The following SOX5 variants were observed in gnomAD, a reference collection of about 807,000 sequenced individuals.
SOX5 encodes transcription factor SOX-5.
Under a neutral mutation model 92.0 loss-of-function variants are expected in SOX5, and 9 were observed. That is an observed-to-expected ratio of 0.10 (90% CI 0.06 to 0.17). The LOEUF is 0.17. Among genes scored for constraint, SOX5 ranks in the 10% least tolerant of loss-of-function variants. The pLI, the probability that SOX5 is intolerant of heterozygous loss-of-function variation, is 1.00. For missense variants in SOX5, 642 were observed against 944.5 expected (o/e 0.68, Z 4.20); for synonymous variants, 344 against 336.3 (o/e 1.02, Z -0.25).
At chr12:23,774,733 T>C (rs1233767978) in intron 3 of SOX5, among the ~76,000 whole-genome samples, 6 of 152,166 alleles carry the variant, frequency 3.9e-5, no homozygotes, top group Non-Finnish European at 7.4e-5. Flanking sequence ...AGAAGTCCTC[T>C]ATTTTTACCC....
chr12:23,665,014 G>A (rs899050124), intron 7 of SOX5, among the ~76,000 whole-genome samples: 9 of 152,084 alleles, frequency 5.9e-5, no homozygotes, highest in Admixed American at 2.0e-4. Context: ...AGAATGGTTC[G>A]GTCTAAGAAC....
chr12:24,160,089 G>T (rs542450643), intron 4 of SOX5, among the ~76,000 whole-genome samples: 6 of 152,060 alleles, frequency 3.9e-5, no homozygotes, highest in Non-Finnish European at 5.9e-5. Context: ...TAACATCTTA[G>T]CTTTCAGCTT....
Position 24,263,541 on chromosome 12 carries a change from C to CAAA in SOX5, c.-77+13672_-77+13674dup, listed in dbSNP as rs528065569. The stretch of plus-strand genomic sequence containing the variant: ...AGACTCCGTCTCAAAAAAAAAAAAA[C>CAAA]AAAAAAAAAAACAAAAACAAGAAAT... On this transcript the variant is annotated intron_variant, in intron 3 of 4. Transcript: ENST00000446891. 1.3e-4 allele frequency among the ~76,000 whole-genome samples: 15 copies of CAAA among 112,036 alleles called. 1 individual carries two copies. Among genetic ancestry groups the CAAA allele is most frequent in the Admixed American group, 3.1e-4 (3 of 9,804 alleles). 73.5% of individuals were successfully genotyped at this position (112,036 alleles called of 152,430 possible).
rs534892569 is a variant in SOX5 at position 23,985,569 on chromosome 12, C to T, written c.-1-89545G>A. 9.2e-5 allele frequency among the ~76,000 whole-genome samples: 14 copies of T among 152,184 alleles called. No homozygotes were observed. In the South Asian group the frequency reaches 2.7e-3, roughly 29 times the overall value. On this transcript the variant is annotated intron_variant, in intron 4 of 4. Transcript: ENST00000446891. ...TGACCAAAAGGTTCTGCATAAGAAA[C>T]AAACTTGAAACAGAAATAACAATGC...
chr12:23,867,292 A>T (rs994544380), intron 2 of SOX5, among the ~76,000 whole-genome samples: 4 of 152,072 alleles, frequency 2.6e-5, no homozygotes, highest in Admixed American at 6.6e-5. Flanking sequence ...TTAACTCAGA[A>T]TTCTGTCACA....
At position 24,384,615 on chromosome 12, in the gene SOX5, A is replaced by G. The variant is rs78364342; in HGVS notation, c.-250-15976T>C. Among the ~76,000 whole-genome samples the G allele has an allele frequency of 2.6e-5, 4 of 152,348 alleles. No homozygotes were observed. In the East Asian group the frequency reaches 7.7e-4, roughly 29 times the overall value. ...AACTAATTTATCTGTGAAATTGCAA[A>G]GAAGGAAAATGAAGTTAATGCTCAT... On this transcript the variant is annotated intron_variant, in intron 1 of 4. Transcript: ENST00000446891.
intron 6 of SOX5, among the ~76,000 whole-genome samples, chr12:23,733,165 T>C (rs1422276260): frequency 1.3e-5 from 2 of 152,184 alleles, no homozygotes; most frequent in African/African-American, 4.8e-5. Context: ...AACAAAGGAC[T>C]TATTTCAGTA....
At chr12:24,427,078 T>C (rs1051476963) in intron 1 of SOX5, among the ~76,000 whole-genome samples, 3 of 152,194 alleles carry the variant, frequency 2.0e-5, no homozygotes, top group Non-Finnish European at 4.4e-5. Context: ...GTGGAATGGG[T>C]TCAATTCATC....
At chr12:24,427,364 A>G (rs762114961) in intron 1 of SOX5, among the ~76,000 whole-genome samples, 2 of 152,224 alleles carry the variant, frequency 1.3e-5, no homozygotes, top group Non-Finnish European at 2.9e-5. Flanking sequence ...GGAAGTGTAA[A>G]TAACTAAAAT....
In SOX5 at chr12:23,895,383, A is replaced by C. The variant is rs563530244; in HGVS notation, c.270+410T>G. The stretch of plus-strand genomic sequence containing the variant: ...GAGTCCAATCTTGGCAAAGCAAAAA[A>C]TAGAATAACACTGATTTATCATGTT... On this transcript the variant is annotated intron_variant, in intron 2 of 14. Coordinates refer to ENST00000451604, the MANE Select transcript of SOX5 (RefSeq NM_006940.6). Among the ~76,000 whole-genome samples, 8 of 152,268 alleles carry C rather than the reference A, an allele frequency of 5.3e-5. No homozygotes were observed. The East Asian group carries it at 1.5e-3, about 29-fold the overall frequency.
intron 4 of SOX5, among the ~76,000 whole-genome samples, chr12:24,148,144 A>T (rs965566963): frequency 1.4e-4 from 21 of 152,130 alleles, no homozygotes; most frequent in African/African-American, 4.8e-4. Context: ...CACCAACCAG[A>T]TTTGATTTCA....
At chr12:24,507,817 C>G (rs763048253) in intron 1 of SOX5, among the ~76,000 whole-genome samples, 1 of 151,806 alleles carries the variant, frequency 6.6e-6, no homozygotes, top group Non-Finnish European at 1.5e-5. Context: ...ATAAATGAAA[C>G]AGTATGTCAA....
chr12:23,941,758 G>A (rs1943691464), intron 1 of SOX5, among the ~76,000 whole-genome samples: 1 of 151,572 alleles, frequency 6.6e-6, no homozygotes, highest in Non-Finnish European at 1.5e-5. Flanking sequence ...TGAATAGTTT[G>A]AGCACCAGTT....
chr12:24,500,506 A>T (rs1480334719), intron 1 of SOX5, among the ~76,000 whole-genome samples: 1 of 152,212 alleles, frequency 6.6e-6, no homozygotes, highest in Non-Finnish European at 1.5e-5. Flanking sequence ...TTGAAGAGAA[A>T]AAAACACACC....
intron 3 of SOX5, among the ~76,000 whole-genome samples, chr12:23,806,084 G>A (rs986165017): frequency 6.6e-6 from 1 of 152,062 alleles, no homozygotes; most frequent in Non-Finnish European, 1.5e-5. Flanking sequence ...TTTTAAAAGT[G>A]GCAATTCCTC....
At chr12:23,599,065 T>C (rs979340176) in intron 9 of SOX5, among the ~76,000 whole-genome samples, 3 of 152,212 alleles carry the variant, frequency 2.0e-5, no homozygotes, top group African/African-American at 7.2e-5. Flanking sequence ...GTTTACTTGA[T>C]AGCGTGAAAC....
chr12:24,141,324 T>C (rs10734733), intron 4 of SOX5, among the ~76,000 whole-genome samples: 88,785 of 152,008 alleles, frequency 0.58, 26,278 homozygotes, highest in East Asian at 0.78. Context: ...AATCTGTCAG[T>C]AAGAAGTTTT....
intron 8 of SOX5, among the ~76,000 whole-genome samples, chr12:23,627,172 T>C (rs992854228): frequency 7.2e-5 from 11 of 152,160 alleles, no homozygotes; most frequent in African/African-American, 2.4e-4. Context: ...TCACAAATAA[T>C]TGTCAGTGCT....
In SOX5 at chr12:23,806,549, T is replaced by C. The variant is rs148074611; in HGVS notation, c.481+39434A>G. 4.4e-3 allele frequency among the ~76,000 whole-genome samples: 640 copies of C among 145,264 alleles called. 9 individuals carry two copies. The highest frequency in any genetic ancestry group is 0.015 in the African/African-American group (599 of 39,012). On this transcript the variant is annotated intron_variant, in intron 3 of 14. Transcript: ENST00000451604. ...AAATGTAAACCAAAGACTGAGGTGC[T>C]ATTTTACAATGTAAAATTTATCCTT...
Sources: gnomAD v4.1 joint callset for allele counts (sites outside exome capture counted in the v4.1 genomes callset) on GRCh38, gnomAD v4.1.1 for gene constraint, MANE v1.5 for transcripts, NCBI Gene and HGNC (gene_info 2026-07-23, HGNC 2026-07-21) for gene names.